Variants in RGS7 observed in about 807,000 individuals in gnomAD.
RGS7 encodes the protein regulator of G protein signaling 7, also known as regulator of G-protein signaling 7.
In RGS7, 27 loss-of-function variants were observed where a neutral mutation model predicts 81.1. The observed-to-expected ratio is 0.33, with a 90% confidence interval of 0.25 to 0.46. The LOEUF (loss-of-function observed/expected upper bound fraction) is 0.46. Among genes scored for constraint, RGS7 ranks in the 20% least tolerant of loss-of-function variants. RGS7 has a pLI of 1.00. For missense variants in RGS7, 396 were observed against 607.4 expected (o/e 0.65, Z 3.66); for synonymous variants, 208 against 207.7 (o/e 1.00, Z -0.01).
intron 6 of RGS7, among the ~76,000 whole-genome samples, chr1:240,876,488 G>T (rs1047744823): frequency 2.0e-5 from 3 of 152,020 alleles, no homozygotes; most frequent in Non-Finnish European, 2.9e-5. Context: ...ACTTTGGCTG[G>T]GTTTCCATGT....
At chr1:240,774,934 A>C (rs1402714794), downstream of RGS7, among the ~76,000 whole-genome samples, 1 of 152,218 alleles carries the variant, frequency 6.6e-6, no homozygotes, top group African/African-American at 2.4e-5. Context: ...AATAATCTAG[A>C]GATGACTTAG....
chr1:240,854,420 TGG>T (rs1411869058), intron 9 of RGS7, among the ~76,000 whole-genome samples: 1 of 152,216 alleles, frequency 6.6e-6, no homozygotes, highest in Non-Finnish European at 1.5e-5. Flanking sequence ...TTAAATTGGC[TGG>T]AATATGATGC....
At chr1:240,959,718 A>T (rs888806709) in intron 4 of RGS7, among the ~76,000 whole-genome samples, 1 of 152,224 alleles carries the variant, frequency 6.6e-6, no homozygotes, top group Non-Finnish European at 1.5e-5. Context: ...ATAATTTATT[A>T]AATTGCAAAT....
intron 2 of RGS7, among the ~76,000 whole-genome samples, chr1:241,110,347 G>A (rs1324345835): frequency 2.6e-5 from 4 of 152,092 alleles, no homozygotes; most frequent in East Asian, 3.9e-4. Flanking sequence ...TTTAATTGAC[G>A]CAGGTGCTTG....
chr1:241,234,160 ACT>A (rs2075805459), intron 2 of RGS7, among the ~76,000 whole-genome samples: 1 of 152,200 alleles, frequency 6.6e-6, no homozygotes, highest in Non-Finnish European at 1.5e-5. Context: ...GTGCATGGAC[ACT>A]GTCATTTCTA....
intron 2 of RGS7, among the ~76,000 whole-genome samples, chr1:241,292,152 T>C (rs1373251667): frequency 5.9e-5 from 9 of 152,150 alleles, no homozygotes; most frequent in Non-Finnish European, 1.2e-4. Context: ...CAACAATACC[T>C]TCTTCTGGAA....
chr1:241,196,606 T>TA (rs1553280933), intron 2 of RGS7, among the ~76,000 whole-genome samples: 2 of 152,072 alleles, frequency 1.3e-5, no homozygotes, highest in Non-Finnish European at 2.9e-5. Flanking sequence ...AATAAGGTGA[T>TA]ACAATTTATT....
intron 14 of RGS7, among the ~76,000 whole-genome samples, chr1:240,807,278 G>A (rs1018088772): frequency 6.6e-6 from 1 of 152,108 alleles, no homozygotes; most frequent in Non-Finnish European, 1.5e-5. Context: ...AGATAAATGA[G>A]TATATCATAA....
chr1:241,247,686 G>T (rs901495154), intron 2 of RGS7, among the ~76,000 whole-genome samples: 5 of 151,634 alleles, frequency 3.3e-5, no homozygotes, highest in African/African-American at 1.2e-4. Flanking sequence ...ACTAACCAAG[G>T]TTCCTTTTCT....
At chr1:241,343,729 C>T (rs371357689) in intron 2 of RGS7, among the ~76,000 whole-genome samples, 4 of 152,184 alleles carry the variant, frequency 2.6e-5, no homozygotes, top group East Asian at 1.9e-4. Context: ...CCAACAGGTG[C>T]GGAGTTTCAG....
At chr1:241,125,643 ACT>A (rs1051119737) in intron 2 of RGS7, among the ~76,000 whole-genome samples, 6 of 139,510 alleles carry the variant, frequency 4.3e-5, no homozygotes, top group African/African-American at 1.9e-4. Flanking sequence ...CAAAAAAAAC[ACT>A]CTCTTTTTCT....
At chr1:241,187,365 T>G (rs1314548908) in intron 2 of RGS7, among the ~76,000 whole-genome samples, 1 of 152,218 alleles carries the variant, frequency 6.6e-6, no homozygotes, top group Non-Finnish European at 1.5e-5. Context: ...GATAAATGAC[T>G]TATTCAATGC....
At chr1:240,934,953 A>G (rs1455168441) in intron 5 of RGS7, among the ~76,000 whole-genome samples, 1 of 141,674 alleles carries the variant, frequency 7.1e-6, no homozygotes, top group Non-Finnish European at 1.5e-5. Context: ...CAGTGGCACA[A>G]TCTCGGCTCA....
chr1:241,260,107 A>G (rs1457937826), intron 2 of RGS7, among the ~76,000 whole-genome samples: 3 of 152,184 alleles, frequency 2.0e-5, no homozygotes, highest in Admixed American at 1.3e-4. Context: ...GCTTCGTCTC[A>G]GAAAGTCTTG....
At chr1:241,078,485 A>ATATATGTGTGTGTGTGTGTGTGTGTG (rs145183501) in intron 3 of RGS7, among the ~76,000 whole-genome samples, 2 of 143,564 alleles carry the variant, frequency 1.4e-5, no homozygotes, top group African/African-American at 5.2e-5. Flanking sequence ...CACGTAAGTT[A>ATATATGTGTGTGTGTGTGTGTGTGTG]TGTGTGTGTG....
intron 2 of RGS7, among the ~76,000 whole-genome samples, chr1:241,233,278 G>A (rs1034347628): frequency 1.3e-5 from 2 of 152,128 alleles, no homozygotes; most frequent in African/African-American, 4.8e-5. Context: ...TGTCCAATCA[G>A]CTAATATTAA....
rs193175292 is a variant in RGS7 at position 241,353,442 on chromosome 1, G to T, written c.78+2257C>A. On this transcript the variant is annotated intron_variant, in intron 2 of 18. Coordinates refer to ENST00000440928, the MANE Select transcript of RGS7 (RefSeq NM_001364886.1). Reference sequence around the variant, plus strand: ...TAACTAGCAAATGATAAGCAAGGACGCTGTGTCTCTTTATACATTATCTGA... The same window carrying T: ...TAACTAGCAAATGATAAGCAAGGACTCTGTGTCTCTTTATACATTATCTGA... Among the ~76,000 whole-genome samples the T allele has an allele frequency of 1.6e-3, 248 of 152,246 alleles. 2 individuals carry two copies. The highest frequency in any genetic ancestry group is 1.9e-3 in the Non-Finnish European group (127 of 68,012).
chr1:241,196,039 GCAT>G (rs1184569401), intron 2 of RGS7, among the ~76,000 whole-genome samples: 1 of 152,020 alleles, frequency 6.6e-6, no homozygotes, highest in African/African-American at 2.4e-5. Flanking sequence ...ATAGCTAGAT[GCAT>G]CATAGTTAAA....
intron 3 of RGS7, among the ~76,000 whole-genome samples, chr1:241,095,230 T>G (rs1234727225): frequency 6.6e-6 from 1 of 152,184 alleles, no homozygotes; most frequent in East Asian, 1.9e-4. Context: ...GTCTTAAACT[T>G]TAGTGCACAA....
Sources: gnomAD v4.1 joint callset for allele counts (sites outside exome capture counted in the v4.1 genomes callset) on GRCh38, gnomAD v4.1.1 for gene constraint, MANE v1.5 for transcripts, NCBI Gene and HGNC (gene_info 2026-07-23, HGNC 2026-07-21) for gene names.